The following PSD3 variants were observed in gnomAD, a reference collection of about 807,000 sequenced individuals.
The protein encoded by PSD3 is PH and SEC7 domain-containing protein 3.
PSD3 carries 49 observed loss-of-function variants against 105.5 expected under a neutral mutation model. That is an observed-to-expected ratio of 0.46 (90% CI 0.37 to 0.59). The LOEUF (loss-of-function observed/expected upper bound fraction) is 0.59, where lower values mean the gene tolerates loss of function less well. Among genes scored for constraint, PSD3 ranks in the 20% least tolerant of loss-of-function variants. The probability of loss-of-function intolerance (pLI) is 0.00; values close to 1 mark genes in which losing one functional copy is unlikely to be tolerated. For missense variants in PSD3, 1,561 were observed against 1,263.8 expected (o/e 1.24, Z -3.57); for synonymous variants, 557 against 457.8 (o/e 1.22, Z -2.77).
chr8:18,884,219 A>T (rs1162155273), intron 2 of PSD3, among the ~76,000 whole-genome samples: 1 of 152,192 alleles, frequency 6.6e-6, no homozygotes, highest in East Asian at 1.9e-4. Flanking sequence ...AAAAAATCTC[A>T]AATGCATTTC....
chr8:18,923,635 G>A (rs566240711), intron 2 of PSD3, among the ~76,000 whole-genome samples: 3 of 152,100 alleles, frequency 2.0e-5, no homozygotes, highest in Non-Finnish European at 4.4e-5. Context: ...GAAAAAACAG[G>A]CTAAGCCATA....
At chr8:18,811,811 G>C (rs1174215946) in intron 4 of PSD3, among the ~76,000 whole-genome samples, 1 of 152,100 alleles carries the variant, frequency 6.6e-6, no homozygotes, top group East Asian at 1.9e-4. Context: ...GTGGGATGGA[G>C]GTTCCCACAT....
chr8:19,068,163 T>A (rs1829138041), intron 1 of PSD3, among the ~76,000 whole-genome samples: 1 of 151,962 alleles, frequency 6.6e-6, no homozygotes, highest in South Asian at 2.1e-4. Context: ...CCAGGACACA[T>A]GAGAAGAGGA....
At chr8:18,952,754 C>G (rs946822256) in intron 1 of PSD3, among the ~76,000 whole-genome samples, 1 of 152,286 alleles carries the variant, frequency 6.6e-6, no homozygotes, top group East Asian at 1.9e-4. Context: ...ATTAAATACA[C>G]TTTATTCAGG....
At chr8:18,782,486 T>G (rs1203964639) in intron 8 of PSD3, among the ~76,000 whole-genome samples, 1 of 152,166 alleles carries the variant, frequency 6.6e-6, no homozygotes, top group East Asian at 1.9e-4. Flanking sequence ...AGCTGTGGCT[T>G]TTAGTAACGG....
At chr8:18,596,507 TAAAA>T (rs1804107949) in intron 12 of PSD3, among the ~76,000 whole-genome samples, 1 of 151,184 alleles carries the variant, frequency 6.6e-6, no homozygotes, top group African/African-American at 2.4e-5. Flanking sequence ...AGAGCAGAAA[TAAAA>T]GAAATAGAGA....
intron 1 of PSD3, among the ~76,000 whole-genome samples, chr8:18,965,585 G>A (rs1824189057): frequency 6.6e-6 from 1 of 152,210 alleles, no homozygotes; most frequent in African/African-American, 2.4e-5. Flanking sequence ...AAAAATTACA[G>A]CCTAGAGTTA....
chr8:18,941,766 G>A (rs1053602295), intron 1 of PSD3, among the ~76,000 whole-genome samples: 40 of 143,418 alleles, frequency 2.8e-4, no homozygotes, highest in Admixed American at 2.3e-3. Flanking sequence ...TCCGCCTCCC[G>A]GGTTCAAGTG....
chr8:18,753,954 A>G (rs1805811004), intron 9 of PSD3, among the ~76,000 whole-genome samples: 1 of 152,154 alleles, frequency 6.6e-6, no homozygotes, highest in South Asian at 2.1e-4. Context: ...GTGCCCTTTA[A>G]GGTTGCAACA....
intron 2 of PSD3, among the ~76,000 whole-genome samples, chr8:18,873,919 T>G (rs1445500690): frequency 6.6e-6 from 1 of 152,172 alleles, no homozygotes; most frequent in Non-Finnish European, 1.5e-5. Context: ...TTTATAATAT[T>G]TTCTTGTTAA....
chr8:19,080,201 T>A (rs933178329), intron 1 of PSD3, among the ~76,000 whole-genome samples: 1 of 152,222 alleles, frequency 6.6e-6, no homozygotes. Context: ...AATAAATTGT[T>A]TTAATACTTA....
At chr8:18,702,772 CTGGCTAAA>C (rs1187042936) in intron 9 of PSD3, among the ~76,000 whole-genome samples, 1 of 151,970 alleles carries the variant, frequency 6.6e-6, no homozygotes, top group Non-Finnish European at 1.5e-5. Context: ...GCCATCACGC[CTGGCTAAA>C]TTTTTGCATT....
chr8:18,607,485 G>A (rs550020489), intron 11 of PSD3, among the ~76,000 whole-genome samples: 42 of 151,956 alleles, frequency 2.8e-4, no homozygotes, highest in African/African-American at 8.7e-4. Context: ...CCTATGAACC[G>A]GCAGCACTTG....
At chr8:18,651,899 T>C (rs2130838264) in intron 10 of PSD3, among the ~76,000 whole-genome samples, 1 of 152,310 alleles carries the variant, frequency 6.6e-6, no homozygotes, top group South Asian at 2.1e-4. Flanking sequence ...ATTAAAGTTT[T>C]ACAGCACATA....
At chr8:18,740,692 C>T (rs549557001) in intron 9 of PSD3, among the ~76,000 whole-genome samples, 18 of 152,260 alleles carry the variant, frequency 1.2e-4, no homozygotes, top group African/African-American at 4.3e-4. Context: ...AGTGAAATGA[C>T]CCTACCAGGT....
chr8:18,716,076 G>C (rs1802569568), intron 9 of PSD3, among the ~76,000 whole-genome samples: 1 of 152,202 alleles, frequency 6.6e-6, no homozygotes, highest in Admixed American at 6.5e-5. Flanking sequence ...TTTCAAAGAG[G>C]ATGGCCATGG....
intron 9 of PSD3, among the ~76,000 whole-genome samples, chr8:18,687,868 G>A (rs1166077999): frequency 1.3e-5 from 2 of 152,144 alleles, no homozygotes; most frequent in African/African-American, 4.8e-5. Context: ...CCGGGTTCAA[G>A]TAATTCTCCC....
At chr8:18,909,980 A>G (rs943582468) in intron 2 of PSD3, among the ~76,000 whole-genome samples, 5 of 152,158 alleles carry the variant, frequency 3.3e-5, no homozygotes, top group Admixed American at 2.6e-4. Context: ...CTGGTGCCCA[A>G]TTATAACAGA....
At position 18,531,753 on chromosome 8, in the gene PSD3, C is replaced by T. The variant is rs1447556799; in HGVS notation, c.*3990G>A. 6.6e-6 allele frequency: 1 copy of T among 152,248 alleles called. No individual in the cohort carries two copies. The highest frequency in any genetic ancestry group is 1.9e-4 in the East Asian group (1 of 5,196). The allele number at this position is 152,248 out of a possible 1,614,324, so 9.4% of individuals were successfully genotyped here. ...CTTGGACAATTCCTCATAAACTAGA[C>T]TTCAGGTTTAACAACTCTTAGGATG... On this transcript the variant is annotated 3_prime_UTR_variant, in exon 16 of 16. Transcript: ENST00000327040.
Sources: gnomAD v4.1 joint callset for allele counts (sites outside exome capture counted in the v4.1 genomes callset) on GRCh38, gnomAD v4.1.1 for gene constraint, MANE v1.5 for transcripts, NCBI Gene and HGNC (gene_info 2026-07-23, HGNC 2026-07-21) for gene names.